Variants in SF1 observed in about 807,000 individuals in gnomAD.
SF1 encodes splicing factor 1.
In SF1, 7 loss-of-function variants were observed where a neutral mutation model predicts 62.5. The observed-to-expected ratio is 0.11, with a 90% confidence interval of 0.06 to 0.21. SF1 has a LOEUF of 0.21. SF1 is among the 10% of genes least tolerant of loss of function. The pLI, the probability that SF1 is intolerant of heterozygous loss-of-function variation, is 1.00. For synonymous variants in SF1, 394 were observed against 323.6 expected (o/e 1.22, Z -2.33); for missense variants, 578 against 884.0 (o/e 0.65, Z 4.39).
intron 2 of SF1, among the ~76,000 whole-genome samples, chr11:64,774,987 G>A (rs1592514911): frequency 2.0e-5 from 3 of 151,902 alleles, no homozygotes; most frequent in Admixed American, 2.0e-4. Flanking sequence ...AAGATATTGA[G>A]GGCATCCTGG....
chr11:64,771,907 A>G, intron 3 of SF1: 1 of 985,380 alleles, frequency 1.0e-6, no homozygotes, highest in East Asian at 1.1e-4. Context: ...CTCTTTCAAA[A>G]CTGAATAGAA....
chr11:64,767,030 AGGCGGC>A lies in SF1; in HGVS notation c.1446_1451del (p.Pro484_Pro485del), dbSNP rs71581802. 5.6e-4 allele frequency: 857 copies of A among 1,543,234 alleles called. 1 individual carries two copies. Among genetic ancestry groups the A allele is most frequent in the Middle Eastern group, 2.6e-3 (15 of 5,720 alleles). On this transcript the variant is annotated inframe_deletion, in exon 12 of 13. Transcript: ENST00000377390. ...GAGGGGGTGGGGGCTGCCCACTGGG[AGGCGGC>A]GGCGGCGGCGGCATCATGCCCATAG...
chr11:64,772,157 C>T (rs762448278), intron 3 of SF1: 15 of 985,084 alleles, frequency 1.5e-5, no homozygotes, highest in Non-Finnish European at 1.8e-5. Flanking sequence ...CAACAGGCAT[C>T]GGCTAGATCA....
At chr11:64,768,910 C>T (rs1937818119) in intron 8 of SF1, 112 bp downstream of exon 8, 2 of 801,572 alleles carry the variant, frequency 2.5e-6, no homozygotes, top group Non-Finnish European at 2.2e-6. Context: ...ACAGACCACA[C>T]TAACAGAAAG....
intron 12 of SF1, 177 bp from the exon 13 acceptor site, chr11:64,766,332 T>C: frequency 1.7e-6 from 1 of 583,200 alleles, no homozygotes. Context: ...AGGACTACCC[T>C]GGGGTCAGCC....
Position 64,765,461 on chromosome 11 carries a change from T to C in SF1, c.*357A>G. The C allele has an allele frequency of 6.2e-7, 1 of 1,612,958 alleles. No individual in the cohort carries two copies. The highest frequency in any genetic ancestry group is 1.7e-5 in the Admixed American group (1 of 59,992). ...GCTGTCTGCCTGGAAGGGTCACCAA[T>C]GGGCGCGGAAAGTCCTCACTCTCAT... On this transcript the variant is annotated 3_prime_UTR_variant, in exon 13 of 13. Transcript: ENST00000377390.
At chr11:64,767,907 C>T (rs749937421) in intron 9 of SF1, 63 bp from the exon 10 acceptor site, 17 of 1,576,276 alleles carry the variant, frequency 1.1e-5, no homozygotes, top group East Asian at 2.3e-5. Context: ...CATTGTTCTT[C>T]GGGTTATGAC....
At chr11:64,766,857 CCCCATCCCACCCA>C in intron 12 of SF1, 30 bp downstream of exon 12, 1 of 616,072 alleles carries the variant, frequency 1.6e-6, no homozygotes, top group Non-Finnish European at 2.8e-6. Context: ...TCAGCCCCAC[CCCCATCCCACCCA>C]CCCCCACAAG....
Position 64,772,407 on chromosome 11 carries a change from T to C in SF1, c.236+1023A>G, listed in dbSNP as rs947910564. 8 of 983,960 alleles carry C rather than the reference T, an allele frequency of 8.1e-6. No individual in the cohort carries two copies. In the African/African-American group the frequency reaches 8.8e-5, roughly 11 times the overall value. 61.0% of individuals were successfully genotyped at this position (983,960 alleles called of 1,614,324 possible). On this transcript the variant is annotated intron_variant, in intron 3 of 12. Transcript: ENST00000377390. ...CTATCTATAGGTAAAATATAGCAAATGTAGTAAGTCAAATTAAAGAGTCAA... is the reference window on the plus strand; with the variant it reads ...CTATCTATAGGTAAAATATAGCAAACGTAGTAAGTCAAATTAAAGAGTCAA...
At chr11:64,774,871 G>A (rs1428510661) in intron 2 of SF1, among the ~76,000 whole-genome samples, 1 of 150,786 alleles carries the variant, frequency 6.6e-6, no homozygotes, top group Non-Finnish European at 1.5e-5. Context: ...TGAGGTGGGA[G>A]AATCACTTGA....
intron 12 of SF1, chr11:64,766,448 AGCC>A: frequency 2.0e-6 from 1 of 489,206 alleles, no homozygotes; most frequent in Non-Finnish European, 3.6e-6. Flanking sequence ...CCCTCCGCCC[AGCC>A]GCCGCCACCA....
intron 12 of SF1, 29 bp downstream of exon 12, chr11:64,766,862 TCCCACCCAC>T: frequency 4.0e-6 from 1 of 248,358 alleles, no homozygotes; most frequent in Non-Finnish European, 7.7e-6. Context: ...CCCACCCCCA[TCCCACCCAC>T]CCCCACAAGC....
At position 64,766,444 on chromosome 11, in the gene SF1, G is replaced by A. The variant is rs1288118412; in HGVS notation, c.1583-289C>T. 16 of 498,986 alleles carry A rather than the reference G, an allele frequency of 3.2e-5. 1 individual carries two copies. Among genetic ancestry groups the A allele is most frequent in the South Asian group, 2.3e-4 (9 of 38,716 alleles). The allele number at this position is 498,986 out of a possible 1,614,324, so 30.9% of individuals were successfully genotyped here. A position where few individuals can be genotyped will look rare whatever the true frequency, so the allele number is the denominator to read the frequency against. On this transcript the variant is annotated intron_variant, in intron 12 of 12. Coordinates refer to ENST00000377390, the MANE Select transcript of SF1 (RefSeq NM_004630.4). ...ACAAGAACAGCTCTGATGTCCCTCCGCCCAGCCGCCGCCACCACCGAACGG... is the reference window on the plus strand; with the variant it reads ...ACAAGAACAGCTCTGATGTCCCTCCACCCAGCCGCCGCCACCACCGAACGG...
At chr11:64,773,638 T>C (rs373304678) in intron 2 of SF1, 133 bp from the exon 3 acceptor site, 66 of 1,025,464 alleles carry the variant, frequency 6.4e-5, no homozygotes, top group East Asian at 3.5e-4. Flanking sequence ...AGTGAACACA[T>C]TGAAGCAAAA....
chr11:64,771,338 A>G (rs1938293193), intron 3 of SF1: 1 of 563,366 alleles, frequency 1.8e-6, no homozygotes, highest in South Asian at 7.8e-5. Context: ...ATTTTGAGTT[A>G]AGATTACAAA....
At chr11:64,773,173 T>C (rs1356987561) in intron 3 of SF1, 1 of 1,315,558 alleles carries the variant, frequency 7.6e-7, no homozygotes, top group African/African-American at 1.5e-5. Context: ...GGTTAAGATC[T>C]ACATGCTTAC....
At chr11:64,772,049 G>C in intron 3 of SF1, 1 of 985,390 alleles carries the variant, frequency 1.0e-6, no homozygotes, top group Non-Finnish European at 1.2e-6. Context: ...AATTGGCCAT[G>C]TGAAGGCCTC....
chr11:64,766,806 C>G (rs2058705502), intron 12 of SF1, 94 bp downstream of exon 12: 1 of 1,097,476 alleles, frequency 9.1e-7, no homozygotes, highest in Admixed American at 3.1e-5. Flanking sequence ...GGGGCTCATC[C>G]CAAGACACCT....
rs1939775917 is a variant in SF1 at position 64,778,434 on chromosome 11, C to T, written c.-42G>A. The stretch of plus-strand genomic sequence containing the variant: ...GGCACCGGCACCTGCTTTTCCTCTG[C>T]GGCGGCTTCTCCTTCGCAAGCCTCC... On this transcript the variant is annotated 5_prime_UTR_variant, in exon 1 of 13. Transcript: ENST00000377390. 2 of 1,220,698 alleles carry T rather than the reference C, an allele frequency of 1.6e-6. No homozygotes were observed. Among genetic ancestry groups the T allele is most frequent in the African/African-American group, 1.6e-5 (1 of 63,664 alleles). The allele number at this position is 1,220,698 out of a possible 1,614,324, so 75.6% of individuals were successfully genotyped here.
Sources: allele counts gnomAD v4.1 joint callset (sites outside exome capture counted in the v4.1 genomes callset), GRCh38; gene constraint gnomAD v4.1.1; transcripts MANE v1.5; gene names NCBI Gene and HGNC (gene_info 2026-07-23, HGNC 2026-07-21).